Variants in MYO16 observed in about 807,000 individuals in gnomAD.
MYO16 encodes the protein myosin XVI, also known as unconventional myosin-XVI.
In MYO16, 94 loss-of-function variants were observed where a neutral mutation model predicts 205.3. The observed-to-expected ratio is 0.46, with a 90% CI of 0.39 to 0.54. The LOEUF is 0.54. Ranked by LOEUF, MYO16 falls within the 20% of genes least tolerant of loss-of-function variation. The pLI, the probability that MYO16 is intolerant of heterozygous loss-of-function variation, is 0.00. For missense variants in MYO16, 2,315 were observed against 2,387.5 expected, an observed-to-expected ratio of 0.97 and a Z score of 0.63; for synonymous variants, 988 against 954.0, an observed-to-expected ratio of 1.04 and a Z score of -0.66.
At chr13:109,068,449 C>G (rs1887821669) in intron 27 of MYO16, among the ~76,000 whole-genome samples, 1 of 152,186 alleles carries the variant, frequency 6.6e-6, no homozygotes, top group Non-Finnish European at 1.5e-5. Flanking sequence ...AACTGCTGGT[C>G]TCATCCAGTA....
chr13:108,686,591 C>A (rs1882687352), intron 2 of MYO16, among the ~76,000 whole-genome samples: 1 of 152,218 alleles, frequency 6.6e-6, no homozygotes, highest in East Asian at 1.9e-4. Flanking sequence ...GATTCAGAGT[C>A]ACAAAAAGAG....
chr13:108,504,400 T>A, the MYO16 span, among the ~76,000 whole-genome samples: 30 of 152,244 alleles, frequency 2.0e-4, no homozygotes, highest in African/African-American at 7.2e-4. Context: ...GTGCTGGGAT[T>A]ATAGGCGTGA....
chr13:108,949,108 G>A (rs912599840), intron 16 of MYO16, among the ~76,000 whole-genome samples: 3 of 152,164 alleles, frequency 2.0e-5, no homozygotes, highest in Non-Finnish European at 2.9e-5. Context: ...AGCACAAGTC[G>A]AATTTTATAC....
At chr13:109,024,101 ATG>A (rs1886278344) in intron 23 of MYO16, among the ~76,000 whole-genome samples, 1 of 148,184 alleles carries the variant, frequency 6.7e-6, no homozygotes, top group East Asian at 2.0e-4. Flanking sequence ...AACTATAAAA[ATG>A]TATACATTTT....
chr13:108,796,850 T>A (rs887952266), intron 6 of MYO16, among the ~76,000 whole-genome samples: 18 of 150,866 alleles, frequency 1.2e-4, no homozygotes, highest in Non-Finnish European at 2.4e-4. Flanking sequence ...CACACCAACA[T>A]GGCACATGTA....
intron 23 of MYO16, among the ~76,000 whole-genome samples, chr13:109,023,722 TATATATGC>T (rs1446769257): frequency 2.3e-5 from 3 of 130,424 alleles, no homozygotes; most frequent in African/African-American, 8.8e-5. Context: ...CAAATATATG[TATATATGC>T]ATATATACAT....
At chr13:108,499,278 A>T in the MYO16 span, among the ~76,000 whole-genome samples, 1 of 152,222 alleles carries the variant, frequency 6.6e-6, no homozygotes, top group South Asian at 2.1e-4. Context: ...TCAAGTATGC[A>T]GGACCTTGAC....
chr13:108,999,653 A>G (rs908585760), intron 21 of MYO16, among the ~76,000 whole-genome samples: 1 of 152,198 alleles, frequency 6.6e-6, no homozygotes, highest in South Asian at 2.1e-4. Context: ...AATTTTGAGC[A>G]TATAAACTAT....
At chr13:108,964,159 C>A (rs1016714694) in intron 19 of MYO16, among the ~76,000 whole-genome samples, 1 of 152,192 alleles carries the variant, frequency 6.6e-6, no homozygotes, top group Non-Finnish European at 1.5e-5. Flanking sequence ...AGCCCTCCTG[C>A]AACAGTGATG....
chr13:109,117,403 T>C (rs1360327328), intron 28 of MYO16, among the ~76,000 whole-genome samples: 1 of 145,162 alleles, frequency 6.9e-6, no homozygotes, highest in Non-Finnish European at 1.5e-5. Flanking sequence ...TATATGTATA[T>C]ATATATGTGT....
chr13:109,071,251 T>C (rs1352123459), intron 27 of MYO16, among the ~76,000 whole-genome samples: 1 of 152,158 alleles, frequency 6.6e-6, no homozygotes, highest in African/African-American at 2.4e-5. Flanking sequence ...TGACAAAACA[T>C]CTATTTTTTA....
chr13:108,671,855 C>T (rs1410874223), intron 2 of MYO16, among the ~76,000 whole-genome samples: 1 of 152,116 alleles, frequency 6.6e-6, no homozygotes, highest in Non-Finnish European at 1.5e-5. Context: ...TATCATGGGA[C>T]TTCATCTCAT....
chr13:108,618,638 G>A (rs1879432247), intron 1 of MYO16, among the ~76,000 whole-genome samples: 1 of 152,122 alleles, frequency 6.6e-6, no homozygotes, highest in Middle Eastern at 3.2e-3. Flanking sequence ...TCACTTTAAG[G>A]GCAGTGACTG....
intron 21 of MYO16, among the ~76,000 whole-genome samples, chr13:108,997,334 A>AGAGAGAGAGAGAGAG (rs1885049292): frequency 1.9e-4 from 1 of 5,162 alleles, no homozygotes; most frequent in African/African-American, 9.4e-4. Context: ...GAAAGAAAGA[A>AGAGAGAGAGAGAGAG]AGAAAGAGAG....
chr13:109,206,170 T>C (rs1880590496), intron 34 of MYO16, among the ~76,000 whole-genome samples: 4 of 152,190 alleles, frequency 2.6e-5, no homozygotes, highest in African/African-American at 9.7e-5. Flanking sequence ...CATGTTTGAC[T>C]ATTAACTATG....
At chr13:108,967,430 G>A (rs1386868398) in intron 20 of MYO16, among the ~76,000 whole-genome samples, 1 of 152,150 alleles carries the variant, frequency 6.6e-6, no homozygotes, top group Non-Finnish European at 1.5e-5. Flanking sequence ...TGCAGGTGAG[G>A]TTGATGCGAT....
intron 4 of MYO16, among the ~76,000 whole-genome samples, chr13:108,783,005 C>G (rs1318637579): frequency 6.6e-6 from 1 of 152,180 alleles, no homozygotes; most frequent in African/African-American, 2.4e-5. Context: ...GCTGGAGCCC[C>G]CACACAGAGT....
At chr13:108,958,112 T>G (rs1883446315) in intron 17 of MYO16, among the ~76,000 whole-genome samples, 1 of 148,578 alleles carries the variant, frequency 6.7e-6, no homozygotes, top group South Asian at 2.1e-4. Flanking sequence ...CCAAAATGAA[T>G]ATAATATATA....
intron 1 of MYO16, among the ~76,000 whole-genome samples, chr13:108,599,894 C>T (rs1878702361): frequency 6.6e-6 from 1 of 152,158 alleles, no homozygotes; most frequent in African/African-American, 2.4e-5. Context: ...AACAGAAAAT[C>T]CATTCACAAA....
Sources: allele counts gnomAD v4.1 joint callset (sites outside exome capture counted in the v4.1 genomes callset), GRCh38; gene constraint gnomAD v4.1.1; transcripts MANE v1.5; gene names NCBI Gene and HGNC (gene_info 2026-07-23, HGNC 2026-07-21).